EXT1: variants seen among roughly 807,000 people sequenced by gnomAD.
The protein encoded by EXT1 is exostosin-1.
Under a neutral mutation model 82.5 loss-of-function variants are expected in EXT1, and 20 were observed. That is an observed-to-expected ratio of 0.24 (90% CI 0.17 to 0.35). EXT1 has a LOEUF of 0.35. Ranked by LOEUF, EXT1 falls within the 10% of genes least tolerant of loss-of-function variation. EXT1 has a pLI of 1.00. For missense variants in EXT1, 757 were observed against 936.5 expected (o/e 0.81, Z 2.50); for synonymous variants, 348 against 350.8 (o/e 0.99, Z 0.09).
intron 1 of EXT1, among the ~76,000 whole-genome samples, chr8:118,033,080 T>C (rs1360296551): frequency 6.6e-6 from 1 of 152,192 alleles, no homozygotes; most frequent in Admixed American, 6.5e-5. Flanking sequence ...TTATGCCCAT[T>C]GCAATGCGCT....
At chr8:118,023,582 C>T (rs563950302) in intron 1 of EXT1, among the ~76,000 whole-genome samples, 1 of 152,266 alleles carries the variant, frequency 6.6e-6, no homozygotes, top group Admixed American at 6.5e-5. Flanking sequence ...TAAACTAAAC[C>T]CTCAGCCTTC....
In EXT1 at chr8:117,955,170, T is replaced by TGG. The variant is rs376193029; in HGVS notation, c.963-117970_963-117969insCC. ...GAAAAGTCCCAAACACAGAGGCTTC[T>TGG]ATCCCCATGGAGTCGGGGTGCACCA... On this transcript the variant is annotated intron_variant, in intron 1 of 10. Transcript: ENST00000378204. 5.2e-4 allele frequency among the ~76,000 whole-genome samples: 79 copies of TGG among 152,348 alleles called. No individual in the cohort carries two copies. In the East Asian group the frequency reaches 0.014, roughly 27 times the overall value.
chr8:118,089,306 T>C (rs1443145945), intron 1 of EXT1, among the ~76,000 whole-genome samples: 2 of 152,134 alleles, frequency 1.3e-5, no homozygotes, highest in African/African-American at 4.8e-5. Flanking sequence ...AAGAGTGAAA[T>C]GCCAAATTTT....
At chr8:118,041,240 A>G (rs1816521038) in intron 1 of EXT1, among the ~76,000 whole-genome samples, 1 of 152,222 alleles carries the variant, frequency 6.6e-6, no homozygotes, top group African/African-American at 2.4e-5. Flanking sequence ...CTAACTAGGC[A>G]TCAGAAAGCA....
At chr8:118,049,970 T>G (rs1330218685) in intron 1 of EXT1, among the ~76,000 whole-genome samples, 1 of 152,180 alleles carries the variant, frequency 6.6e-6, no homozygotes, top group Non-Finnish European at 1.5e-5. Context: ...GCAATTTCTC[T>G]GAAGTTCCCC....
In EXT1 at chr8:117,830,232, C is replaced by G. The variant is rs772435035; in HGVS notation, c.1282G>C (p.Glu428Gln). The change falls in exon 4 of 11, where the codon GAG becomes CAG. Residue 428 changes from glutamate to glutamine, a missense_variant and splice_region_variant. Glu to Gln is a conservative substitution (Grantham distance 29, BLOSUM62 2). Coordinates refer to ENST00000378204, the MANE Select transcript of EXT1 (RefSeq NM_000127.3). ...AAGAGCCAAGTGGTCTCACTTACCT[C>G]TAGTGTAGTTAATACAATCTTCTCA... ...SVEKIVLTTL[E>Q]IIQDRIFKHI... The G allele has an allele frequency of 6.8e-6, 11 of 1,613,976 alleles. No homozygotes were observed. In the South Asian group the frequency reaches 9.9e-5, roughly 15 times the overall value.
chr8:117,834,621 C>CACAT (rs1554579888), intron 3 of EXT1, among the ~76,000 whole-genome samples: 1 of 151,498 alleles, frequency 6.6e-6, no homozygotes, highest in African/African-American at 2.4e-5. Context: ...CACAAACACA[C>CACAT]ACACATACAC....
intron 1 of EXT1, among the ~76,000 whole-genome samples, chr8:117,888,021 G>A (rs1318896180): frequency 2.0e-5 from 3 of 151,742 alleles, no homozygotes; most frequent in Non-Finnish European, 4.4e-5. Context: ...GGTGGTGGAG[G>A]TTGCGGTAAG....
intron 1 of EXT1, among the ~76,000 whole-genome samples, chr8:118,058,596 GA>G (rs1816832023): frequency 6.6e-6 from 1 of 152,104 alleles, no homozygotes; most frequent in African/African-American, 2.4e-5. Context: ...TCACAATTGA[GA>G]AGAACTAGAA....
chr8:117,868,393 G>A (rs1812810595), intron 1 of EXT1, among the ~76,000 whole-genome samples: 1 of 152,214 alleles, frequency 6.6e-6, no homozygotes, highest in Non-Finnish European at 1.5e-5. Flanking sequence ...CAGGGATGGT[G>A]TTGGGAATCA....
chr8:117,857,640 C>T (rs894211251), intron 1 of EXT1, among the ~76,000 whole-genome samples: 10 of 151,926 alleles, frequency 6.6e-5, no homozygotes, highest in African/African-American at 2.4e-4. Context: ...TTTGTGGTTA[C>T]AGTGAGCTAT....
At chr8:117,990,676 T>C (rs897794949) in intron 1 of EXT1, among the ~76,000 whole-genome samples, 10 of 152,254 alleles carry the variant, frequency 6.6e-5, no homozygotes, top group African/African-American at 2.2e-4. Context: ...GTCTTGGGCA[T>C]TGGCACATGC....
chr8:117,941,326 G>A (rs1814268863), intron 1 of EXT1, among the ~76,000 whole-genome samples: 2 of 152,310 alleles, frequency 1.3e-5, no homozygotes, highest in South Asian at 4.1e-4. Context: ...GACAGTTAGA[G>A]GAAGATAAGA....
At chr8:118,078,918 T>C (rs193287402) in intron 1 of EXT1, among the ~76,000 whole-genome samples, 50 of 152,296 alleles carry the variant, frequency 3.3e-4, no homozygotes, top group Non-Finnish European at 2.9e-5. Flanking sequence ...GAACCTACCA[T>C]GTGCAAAAAA....
At chr8:118,061,581 T>C (rs1350225073) in intron 1 of EXT1, among the ~76,000 whole-genome samples, 1 of 152,156 alleles carries the variant, frequency 6.6e-6, no homozygotes, top group Admixed American at 6.5e-5. Context: ...AAAGGTAAAT[T>C]CTCCCATGAT....
intron 1 of EXT1, among the ~76,000 whole-genome samples, chr8:118,045,338 T>C (rs1313076808): frequency 6.6e-6 from 1 of 152,238 alleles, no homozygotes; most frequent in Non-Finnish European, 1.5e-5. Context: ...CAAAGTATTC[T>C]ACTTAGACCT....
intron 1 of EXT1, among the ~76,000 whole-genome samples, chr8:117,878,104 T>C (rs1467572159): frequency 6.6e-6 from 1 of 152,108 alleles, no homozygotes; most frequent in Non-Finnish European, 1.5e-5. Flanking sequence ...GAAACCCCCA[T>C]CTCTACTAAA....
chr8:117,939,054 C>T (rs1193192038), intron 1 of EXT1, among the ~76,000 whole-genome samples: 14 of 149,416 alleles, frequency 9.4e-5, no homozygotes, highest in Non-Finnish European at 2.1e-4. Context: ...GTTTTTTTTT[C>T]CCCCCAATGG....
intron 1 of EXT1, among the ~76,000 whole-genome samples, chr8:118,068,096 G>T (rs919978869): frequency 1.3e-5 from 2 of 152,160 alleles, no homozygotes; most frequent in Admixed American, 6.5e-5. Context: ...CAATGGAAAT[G>T]TTATTATTCT....
Sources: allele counts gnomAD v4.1 joint callset (sites outside exome capture counted in the v4.1 genomes callset), GRCh38; gene constraint gnomAD v4.1.1; transcripts MANE v1.5; gene names NCBI Gene and HGNC (gene_info 2026-07-23, HGNC 2026-07-21).